Variants in SPOP observed in about 807,000 individuals in gnomAD.
SPOP encodes the protein speckle-type POZ protein.
SPOP carries 11 observed loss-of-function variants against 45.6 expected under a neutral mutation model. The ratio of observed to expected loss-of-function variants is 0.24; its 90% CI spans 0.15 to 0.40. The LOEUF is 0.40. SPOP is among the 10% of genes least tolerant of loss of function. SPOP has a pLI of 1.00. For missense variants in SPOP, 152 were observed against 465.6 expected (o/e 0.33, Z 6.20); for synonymous variants, 166 against 166.3 (o/e 1.00, Z 0.01).
rs146126644 is a variant in SPOP at position 49,638,197 on chromosome 17, T to C, written c.-66-15321A>G. On this transcript the variant is annotated intron_variant, in intron 1 of 9. Coordinates refer to ENST00000504102, the MANE Select transcript of SPOP (RefSeq NM_001007228.2). ...GAAACTGGGATAAGAGAAGTAGCAA[T>C]GCTTCTAGGAGTCTAACATAGGCAG... Among the ~76,000 whole-genome samples the C allele has an allele frequency of 1.4e-4, 22 of 152,334 alleles. 1 individual carries two copies. In the East Asian group the frequency reaches 4.0e-3, roughly 28 times the overall value.
At chr17:49,616,694 G>C (rs2072093951) in intron 5 of SPOP, among the ~76,000 whole-genome samples, 1 of 152,126 alleles carries the variant, frequency 6.6e-6, no homozygotes, top group Admixed American at 6.5e-5. Context: ...GAGAGCCTTG[G>C]AACAGAAACA....
chr17:49,677,255 G>A (rs1597995181), intron 1 of SPOP, among the ~76,000 whole-genome samples: 1 of 152,194 alleles, frequency 6.6e-6, no homozygotes, highest in African/African-American at 2.4e-5. Context: ...AAAGGTACAA[G>A]CACAACGATG....
chr17:49,633,365 C>T lies in SPOP; in HGVS notation c.-66-10489G>A, dbSNP rs185565030. Among the ~76,000 whole-genome samples, 32 of 152,192 alleles carry T rather than the reference C, an allele frequency of 2.1e-4. No homozygotes were observed. The East Asian group carries it at 5.4e-3, about 26-fold the overall frequency. On this transcript the variant is annotated intron_variant, in intron 1 of 9. Coordinates refer to ENST00000504102, the MANE Select transcript of SPOP (RefSeq NM_001007228.2). ...CCAATAGGATAACAACAGAATGCTC[C>T]GACTATCAAGCCTCGGTGTGTGCTG...
chr17:49,618,245 C>G (rs1238402559), intron 5 of SPOP, among the ~76,000 whole-genome samples: 1 of 152,180 alleles, frequency 6.6e-6, no homozygotes, highest in Non-Finnish European at 1.5e-5. Flanking sequence ...TCATTTATTA[C>G]ACTGTGAGCT....
At position 49,627,133 on chromosome 17, in the gene SPOP, G is replaced by A. The variant is rs563529674; in HGVS notation, c.-66-4257C>T. ...CAAAGTGCTGGGATTACAGGCATGA[G>A]CCACCACGCCCGGCCAGGAATTTAC... On this transcript the variant is annotated intron_variant, in intron 1 of 9. Transcript: ENST00000504102. Among the ~76,000 whole-genome samples, 143 of 152,320 alleles carry A rather than the reference G, an allele frequency of 9.4e-4. 1 individual carries two copies. Among genetic ancestry groups the A allele is most frequent in the African/African-American group, 3.2e-3 (132 of 41,564 alleles).
chr17:49,622,985 G>A (rs1359675873), intron 1 of SPOP, 109 bp from the exon 2 acceptor site: 4 of 584,266 alleles, frequency 6.8e-6, no homozygotes, highest in Non-Finnish European at 9.0e-6. Flanking sequence ...TTGTTTGAGT[G>A]GCTCCTTACC....
At chr17:49,602,060 C>T (rs2071749994) in intron 8 of SPOP, 53 bp from the exon 9 acceptor site, 1 of 1,597,844 alleles carries the variant, frequency 6.3e-7, no homozygotes, top group Non-Finnish European at 8.5e-7. Flanking sequence ...CTGGGCTGAC[C>T]ACTACTGAAG....
intron 1 of SPOP, among the ~76,000 whole-genome samples, chr17:49,666,755 C>A (rs2073064818): frequency 1.3e-5 from 2 of 151,664 alleles, no homozygotes; most frequent in African/African-American, 4.8e-5. Flanking sequence ...TTGAACCTGG[C>A]AGGCAGAGGT....
chr17:49,606,596 C>T (rs955271852), intron 8 of SPOP, among the ~76,000 whole-genome samples: 5 of 147,710 alleles, frequency 3.4e-5, no homozygotes, highest in African/African-American at 1.3e-4. Context: ...TGGGTTCAAG[C>T]GATCCTCTTG....
chr17:49,678,133 G>A, upstream of SPOP: 1 of 394,690 alleles, frequency 2.5e-6, no homozygotes, highest in Admixed American at 4.4e-5. Context: ...AGCGCGTACC[G>A]CCAGACCCCA....
intron 1 of SPOP, among the ~76,000 whole-genome samples, chr17:49,625,262 T>G (rs934767350): frequency 1.3e-5 from 2 of 152,240 alleles, no homozygotes; most frequent in African/African-American, 4.8e-5. Flanking sequence ...GGGGAATAGA[T>G]AACTAATTTG....
At chr17:49,645,586 C>T (rs539951016) in intron 1 of SPOP, among the ~76,000 whole-genome samples, 3 of 151,912 alleles carry the variant, frequency 2.0e-5, no homozygotes, top group Admixed American at 6.6e-5. Flanking sequence ...TGAGTCACCG[C>T]GCCCAGCCAG....
At chr17:49,667,402 C>G (rs1250972321) in intron 1 of SPOP, among the ~76,000 whole-genome samples, 1 of 150,996 alleles carries the variant, frequency 6.6e-6, no homozygotes, top group Admixed American at 6.6e-5. Flanking sequence ...CCAGCCCGGT[C>G]AACATGGCGA....
At position 49,607,746 on chromosome 17, in the gene SPOP, A is replaced by C. The variant is rs1263006932; in HGVS notation, c.714+128T>G. On this transcript the variant is annotated intron_variant, in intron 7 of 9. Transcript: ENST00000504102. ...ACCACTTCTCTCTGCTCTCAGAAGGAGTTTAGGGACTCATACTCCATTTTA... is the reference window on the plus strand; with the variant it reads ...ACCACTTCTCTCTGCTCTCAGAAGGCGTTTAGGGACTCATACTCCATTTTA... 4.8e-6 allele frequency: 4 copies of C among 832,880 alleles called. No individual in the cohort carries two copies. The East Asian group carries it at 9.9e-5, about 21-fold the overall frequency. The allele number at this position is 832,880 out of a possible 1,614,324, so 51.6% of individuals were successfully genotyped here.
chr17:49,618,931 T>C, intron 5 of SPOP, 50 bp downstream of exon 5: 1 of 1,577,046 alleles, frequency 6.3e-7, no homozygotes, highest in Non-Finnish European at 8.6e-7. Context: ...AGTCTACCAA[T>C]ACTCATCAGA....
chr17:49,622,143 A>C, intron 2 of SPOP, 76 bp from the exon 3 acceptor site: 1 of 1,547,338 alleles, frequency 6.5e-7, no homozygotes, highest in South Asian at 1.2e-5. Flanking sequence ...GCAGATTATC[A>C]TTTCCCCTCC....
intron 1 of SPOP, among the ~76,000 whole-genome samples, chr17:49,631,370 T>C (rs2072448689): frequency 6.6e-6 from 1 of 152,210 alleles, no homozygotes; most frequent in African/African-American, 2.4e-5. Flanking sequence ...CACAAGGCTC[T>C]AGGGATGCTG....
At chr17:49,670,913 G>T (rs190142074) in intron 1 of SPOP, among the ~76,000 whole-genome samples, 111 of 152,262 alleles carry the variant, frequency 7.3e-4, no homozygotes, top group African/African-American at 2.6e-3. Context: ...ACACTGTGTA[G>T]AGATGAGGAA....
chr17:49,677,854 C>T (rs1339872616), intron 1 of SPOP, 79 bp downstream of exon 1: 1 of 393,900 alleles, frequency 2.5e-6, no homozygotes, highest in Non-Finnish European at 4.5e-6. Context: ...CAGTGGGGGT[C>T]AGTCACCTCT....
Sources: gnomAD v4.1 joint callset for allele counts (sites outside exome capture counted in the v4.1 genomes callset) on GRCh38, gnomAD v4.1.1 for gene constraint, MANE v1.5 for transcripts, NCBI Gene and HGNC (gene_info 2026-07-23, HGNC 2026-07-21) for gene names.